The following TMPRSS13 variants were observed in gnomAD, a reference collection of about 807,000 sequenced individuals.
The protein encoded by TMPRSS13 is transmembrane serine protease 13, also known as transmembrane protease serine 13.
A neutral mutation model predicts 68.4 loss-of-function variants in TMPRSS13; 50 were observed. The ratio of observed to expected loss-of-function variants is 0.73; its 90% CI spans 0.58 to 0.93. The LOEUF is 0.93. Ranked by LOEUF, TMPRSS13 falls within the 40% of genes least tolerant of loss-of-function variation. The pLI, the probability that TMPRSS13 is intolerant of heterozygous loss-of-function variation, is 0.00. For synonymous variants in TMPRSS13, 267 were observed against 285.8 expected, an observed-to-expected ratio of 0.93 and a Z score of 0.66; for missense variants, 615 against 729.2, an observed-to-expected ratio of 0.84 and a Z score of 1.80.
Position 117,902,007 on chromosome 11 carries a change from T to A in TMPRSS13, c.*232A>T. ...CTCCAGGTAATTTCCAGCCTGGGAT[T>A]TTGAGAAGAGTTGACAGCTCTGCTG... On this transcript the variant is annotated 3_prime_UTR_variant, in exon 13 of 13. Coordinates refer to ENST00000524993, the MANE Select transcript of TMPRSS13 (RefSeq NM_001077263.3). 1 of 591,534 alleles carries A rather than the reference T, an allele frequency of 1.7e-6. No individual in the cohort carries two copies. Among genetic ancestry groups the A allele is most frequent in the South Asian group, 2.0e-5 (1 of 50,896 alleles). 36.6% of individuals were successfully genotyped at this position (591,534 alleles called of 1,614,324 possible). A position where few individuals can be genotyped will look rare whatever the true frequency, so the allele number is the denominator to read the frequency against.
chr11:117,920,373 C>T (rs2057631389), intron 1 of TMPRSS13, among the ~76,000 whole-genome samples: 1 of 152,072 alleles, frequency 6.6e-6, no homozygotes, highest in Admixed American at 6.5e-5. Context: ...GAGTCTTGCT[C>T]TGTCCCCCAG....
At position 117,917,564 on chromosome 11, in the gene TMPRSS13, C is replaced by A. The variant is rs1041381434; in HGVS notation, c.452-290G>T. The stretch of plus-strand genomic sequence containing the variant: ...TTGCCTGTGTTAATTCTCACAGCAA[C>A]CTCATGAGCAGAGTCTTATTAGGCC... On this transcript the variant is annotated intron_variant, in intron 2 of 12. Coordinates refer to ENST00000524993, the MANE Select transcript of TMPRSS13 (RefSeq NM_001077263.3). Among the ~76,000 whole-genome samples the A allele has an allele frequency of 2.0e-5, 3 of 152,216 alleles. No individual in the cohort carries two copies. The South Asian group carries it at 6.2e-4, about 32-fold the overall frequency.
chr11:117,914,586 C>A lies in TMPRSS13; in HGVS notation c.557-72G>T, dbSNP rs1299847234. 6.3e-7 allele frequency: 1 copy of A among 1,593,130 alleles called. No homozygotes were observed. Among genetic ancestry groups the A allele is most frequent in the African/African-American group, 1.3e-5 (1 of 74,496 alleles). On this transcript the variant is annotated intron_variant, in intron 3 of 12. Transcript: ENST00000524993. The surrounding 1 kb of genome is among the most constrained non-coding windows in gnomAD (Gnocchi z 4.2). The stretch of plus-strand genomic sequence containing the variant: ...GATGAGACACTGAGCAGCCCAAGGA[C>A]CTGGGGGTTCTGAGACACCGACCTG...
Position 117,903,822 on chromosome 11 carries a change from G to C in TMPRSS13, c.1525-15C>G. On this transcript the variant is annotated splice_polypyrimidine_tract_variant and intron_variant, in intron 11 of 12. Transcript: ENST00000524993. The stretch of plus-strand genomic sequence containing the variant: ...CCGCTGTCTCCCTGCAGGGGAGAGG[G>C]GGCACATTCGCAGGATGGGACAGGT... 1 of 1,608,200 alleles carries C rather than the reference G, an allele frequency of 6.2e-7. No homozygotes were observed. The highest frequency in any genetic ancestry group is 1.1e-5 in the South Asian group (1 of 89,994).
At chr11:117,921,565 A>G (rs1234329464) in intron 1 of TMPRSS13, among the ~76,000 whole-genome samples, 1 of 152,166 alleles carries the variant, frequency 6.6e-6, no homozygotes, top group Non-Finnish European at 1.5e-5. Flanking sequence ...AGCTGGGGAA[A>G]GCTGTAAAGC....
At chr11:117,904,419 A>G (rs1051723422) in intron 10 of TMPRSS13, among the ~76,000 whole-genome samples, 7 of 152,206 alleles carry the variant, frequency 4.6e-5, no homozygotes, top group Non-Finnish European at 8.8e-5. Context: ...AAGCACCCTC[A>G]GATACATGGC....
In TMPRSS13 at chr11:117,915,189, T is replaced by G. The variant is rs1238793351; in HGVS notation, c.557-675A>C. ...AAAGAAAACAGCTTTACAAGCCATA[T>G]GTGCAAATCTGCTTCACGACTTCCT... On this transcript the variant is annotated intron_variant, in intron 3 of 12. Coordinates refer to ENST00000524993, the MANE Select transcript of TMPRSS13 (RefSeq NM_001077263.3). The surrounding 1 kb of genome is among the most constrained non-coding windows in gnomAD (Gnocchi z 4.9). Among the ~76,000 whole-genome samples, 1 of 152,218 alleles carries G rather than the reference T, an allele frequency of 6.6e-6. No homozygotes were observed. Among genetic ancestry groups the G allele is most frequent in the East Asian group, 1.9e-4 (1 of 5,200 alleles).
chr11:117,906,138 G>C (rs994707293), intron 9 of TMPRSS13, among the ~76,000 whole-genome samples: 10 of 152,260 alleles, frequency 6.6e-5, no homozygotes, highest in Admixed American at 2.0e-4. Flanking sequence ...CTAAGACCCA[G>C]ATATTATGAC....
chr11:117,918,667 G>A lies in TMPRSS13; in HGVS notation c.193C>T (p.Pro65Ser), dbSNP rs758792589. The part of the protein sequence containing the change: ...SPAQASPAGT[P>S]PGRASPGRAS... ...CGGCCTGGAGATGCCCGGCCTGGAG[G>A]TGTACCAGCTGGAGATGCCTGGGCT... Residue 65 changes from proline (P) to serine (S), a missense_variant, in exon 2 of 13, where the codon CCT becomes TCT. By Grantham distance (74) the Pro-to-Ser change is moderately conservative. Coordinates refer to ENST00000524993, the MANE Select transcript of TMPRSS13 (RefSeq NM_001077263.3). The A allele has an allele frequency of 1.3e-6, 2 of 1,589,380 alleles. No homozygotes were observed. The highest frequency in any genetic ancestry group is 8.6e-7 in the Non-Finnish European group (1 of 1,167,858).
Position 117,923,286 on chromosome 11 carries a change from G to A in TMPRSS13, c.22-4448C>T, listed in dbSNP as rs147035028. ...CCCAGGGTTAGATCCCCCCTGAGGC[G>A]AATGGGATGTTTTTCTGGTTTCCAG... On this transcript the variant is annotated intron_variant, in intron 1 of 12. Transcript: ENST00000524993. 1.5e-3 allele frequency among the ~76,000 whole-genome samples: 236 copies of A among 152,316 alleles called. 1 individual carries two copies. The highest frequency in any genetic ancestry group is 5.5e-3 in the African/African-American group (227 of 41,574).
intron 1 of TMPRSS13, among the ~76,000 whole-genome samples, chr11:117,920,680 A>G (rs970212434): frequency 4.6e-5 from 7 of 151,654 alleles, no homozygotes; most frequent in Non-Finnish European, 1.0e-4. Flanking sequence ...GTAGAGATGG[A>G]GTTTCACCAT....
chr11:117,917,482 C>T (rs2057590838), intron 2 of TMPRSS13, among the ~76,000 whole-genome samples: 3 of 152,230 alleles, frequency 2.0e-5, no homozygotes, highest in Non-Finnish European at 4.4e-5. Context: ...TGAGCTCCCC[C>T]TGCCTGGCAC....
At chr11:117,917,085 T>A in intron 3 of TMPRSS13, 85 bp downstream of exon 3, 1 of 1,114,572 alleles carries the variant, frequency 9.0e-7, no homozygotes, top group Non-Finnish European at 1.3e-6. Context: ...TCCCCACACC[T>A]GTCTCCCCTG....
intron 1 of TMPRSS13, among the ~76,000 whole-genome samples, chr11:117,921,634 G>A (rs896836656): frequency 7.2e-5 from 11 of 152,214 alleles, no homozygotes; most frequent in Non-Finnish European, 1.6e-4. Flanking sequence ...GGCATTGGTG[G>A]AAAGCCAAGA....
chr11:117,922,246 T>C lies in TMPRSS13; in HGVS notation c.22-3408A>G, dbSNP rs748702557. On this transcript the variant is annotated intron_variant, in intron 1 of 12. Coordinates refer to ENST00000524993, the MANE Select transcript of TMPRSS13 (RefSeq NM_001077263.3). The surrounding 1 kb of genome is among the most constrained non-coding windows in gnomAD (Gnocchi z 4.2). ...AGACTACTTGTTTGTTTGTTGTTTG[T>C]TTGCTTTGAGACAGAGTCTCACTCT... Among the ~76,000 whole-genome samples, 17 of 152,162 alleles carry C rather than the reference T, an allele frequency of 1.1e-4. No homozygotes were observed. The highest frequency in any genetic ancestry group is 2.4e-4 in the Non-Finnish European group (16 of 68,024).
intron 2 of TMPRSS13, among the ~76,000 whole-genome samples, chr11:117,917,568 A>C (rs747116349): frequency 6.6e-6 from 1 of 152,206 alleles, no homozygotes; most frequent in Non-Finnish European, 1.5e-5. Context: ...CAGCAACCTC[A>C]TGAGCAGAGT....
chr11:117,919,573 C>T (rs1349258077), intron 1 of TMPRSS13, among the ~76,000 whole-genome samples: 1 of 152,256 alleles, frequency 6.6e-6, no homozygotes, highest in Admixed American at 6.5e-5. Context: ...GATCTCCTTC[C>T]TCTTTTGTGC....
chr11:117,929,361 A>G lies in TMPRSS13; in HGVS notation c.-54T>C, dbSNP rs950243217. On this transcript the variant is annotated 5_prime_UTR_variant, in exon 1 of 13. The change abolishes an upstream ATG in the 5' untranslated region. Coordinates refer to ENST00000524993, the MANE Select transcript of TMPRSS13 (RefSeq NM_001077263.3). ...TTAGCTGATGTCGAGGAGAAGATCC[A>G]TCTTGGTCCCTGGCTTCTCAGGCAT... is the stretch of plus-strand genomic sequence containing the variant. The G allele has an allele frequency of 3.4e-5, 53 of 1,575,378 alleles. No individual in the cohort carries two copies. The Middle Eastern group carries it at 5.0e-4, about 15-fold the overall frequency.
In TMPRSS13 at chr11:117,917,234, C is replaced by A. The variant is rs1487160443; in HGVS notation, c.492G>T (p.Lys164Asn). ...GCACGCACCCGATGAGCGGTAGCTGCTTCTGGCCCTCCCGCCAGGTGAACT... is the reference window on the plus strand; with the variant it reads ...GCACGCACCCGATGAGCGGTAGCTGATTCTGGCCCTCCCGCCAGGTGAACT... ...LPKFTWREGQ[K>N]QLPLIGCVLL... Residue 164 changes from lysine to asparagine, a missense_variant, in exon 3 of 13, where the codon AAG (lysine) becomes AAT (asparagine). By Grantham distance (94) the Lys-to-Asn change is moderately conservative. Coordinates refer to ENST00000524993, the MANE Select transcript of TMPRSS13 (RefSeq NM_001077263.3). 6.2e-7 allele frequency: 1 copy of A among 1,612,892 alleles called. No individual in the cohort carries two copies. Among genetic ancestry groups the A allele is most frequent in the Non-Finnish European group, 8.5e-7 (1 of 1,180,022 alleles).
Sources: gnomAD v4.1 joint callset for allele counts (sites outside exome capture counted in the v4.1 genomes callset) on GRCh38, gnomAD v4.1.1 for gene constraint, Gnocchi (gnomAD v3.1) non-coding constraint, MANE v1.5 for transcripts, NCBI Gene and HGNC (gene_info 2026-07-23, HGNC 2026-07-21) for gene names.